The following PTBP2 variants were observed in gnomAD, a reference collection of about 807,000 sequenced individuals.
PTBP2 encodes the protein polypyrimidine tract binding protein 2.
In PTBP2, 13 loss-of-function variants were observed where a neutral mutation model predicts 61.4. The observed-to-expected ratio is 0.21, with a 90% CI of 0.14 to 0.34. The LOEUF (loss-of-function observed/expected upper bound fraction) is 0.34. PTBP2 is among the 10% of genes least tolerant of loss of function. The probability of loss-of-function intolerance (pLI) is 1.00; values close to 1 mark genes in which losing one functional copy is unlikely to be tolerated. For missense variants in PTBP2, 405 were observed against 642.6 expected (o/e 0.63, Z 4.00); for synonymous variants, 215 against 218.5 (o/e 0.98, Z 0.14).
chr1:96,760,526 A>G (rs561047323), intron 3 of PTBP2, among the ~76,000 whole-genome samples: 2 of 147,038 alleles, frequency 1.4e-5, no homozygotes, highest in South Asian at 4.3e-4. Flanking sequence ...GCTTACTGCA[A>G]CCTCCGCCTC....
chr1:96,804,971 T>A (rs370754956), intron 9 of PTBP2, 32 bp downstream of exon 9: 1 of 1,467,760 alleles, frequency 6.8e-7, no homozygotes, highest in South Asian at 1.5e-5. Flanking sequence ...GTTTATTCTT[T>A]AACTCCATTT....
intron 3 of PTBP2, among the ~76,000 whole-genome samples, chr1:96,764,803 G>A (rs1280600422): frequency 6.6e-6 from 1 of 152,100 alleles, no homozygotes; most frequent in Non-Finnish European, 1.5e-5. Flanking sequence ...TATTTATGAG[G>A]GTTTTAACAA....
At chr1:96,788,523 T>C (rs1659448210) in intron 8 of PTBP2, among the ~76,000 whole-genome samples, 2 of 152,210 alleles carry the variant, frequency 1.3e-5, no homozygotes, top group Non-Finnish European at 2.9e-5. Context: ...TCTTTTCTTC[T>C]AATTATTTAA....
At position 96,778,739 on chromosome 1, in the gene PTBP2, T is replaced by A. The variant is rs79370313; in HGVS notation, c.708+793T>A. The stretch of plus-strand genomic sequence containing the variant: ...CTGGTTTTCTTCCTTTCATTCATTC[T>A]TTTACTTTCAGATTAATTATTGTCT... On this transcript the variant is annotated intron_variant, in intron 7 of 13. Transcript: ENST00000674951. Among the ~76,000 whole-genome samples the A allele has an allele frequency of 1.4e-3, 214 of 152,218 alleles. 2 individuals carry two copies. The East Asian group carries it at 0.03, about 21-fold the overall frequency.
intron 4 of PTBP2, 109 bp from the exon 5 acceptor site, chr1:96,770,599 C>CT (rs1472457239): frequency 1.0e-6 from 1 of 992,470 alleles, no homozygotes; most frequent in Non-Finnish European, 1.5e-6. Flanking sequence ...TAAAAGTAAC[C>CT]TGAAGGATTA....
chr1:96,806,509 A>T (rs1403031229), intron 10 of PTBP2, 57 bp downstream of exon 10: 1 of 1,532,426 alleles, frequency 6.5e-7, no homozygotes, highest in Non-Finnish European at 9.0e-7. Flanking sequence ...TTTCACCTTA[A>T]TTCTTATTTG....
intron 5 of PTBP2, among the ~76,000 whole-genome samples, chr1:96,772,396 A>AT (rs1405283314): frequency 1.3e-5 from 2 of 152,166 alleles, no homozygotes; most frequent in African/African-American, 4.8e-5. Context: ...TTGGAGATTT[A>AT]TTAGGAATTT....
chr1:96,803,613 G>A (rs1264009797), intron 8 of PTBP2, among the ~76,000 whole-genome samples: 3 of 152,066 alleles, frequency 2.0e-5, no homozygotes, highest in South Asian at 2.1e-4. Flanking sequence ...ATTAAAGAGC[G>A]CTTCAGATTG....
intron 3 of PTBP2, among the ~76,000 whole-genome samples, chr1:96,755,452 A>G (rs1226692594): frequency 6.6e-6 from 1 of 152,220 alleles, no homozygotes. Flanking sequence ...TAGTTTCTCC[A>G]TGATCCAGGT....
chr1:96,788,725 A>C (rs577573715), intron 8 of PTBP2, among the ~76,000 whole-genome samples: 1 of 152,176 alleles, frequency 6.6e-6, no homozygotes, highest in African/African-American at 2.4e-5. Context: ...TTTTTATATT[A>C]GATCTAGCTA....
At chr1:96,798,006 G>A (rs1407879906) in intron 8 of PTBP2, among the ~76,000 whole-genome samples, 2 of 151,684 alleles carry the variant, frequency 1.3e-5, no homozygotes, top group Non-Finnish European at 2.9e-5. Context: ...AACCCGGGAG[G>A]TGGAGCTTGC....
intron 8 of PTBP2, 32 bp from the exon 9 acceptor site, chr1:96,804,768 C>T: frequency 6.3e-7 from 1 of 1,579,932 alleles, no homozygotes. Context: ...GTAAAATATG[C>T]TTTATTTTAA....
intron 2 of PTBP2, among the ~76,000 whole-genome samples, chr1:96,727,715 A>G (rs1650780738): frequency 1.3e-5 from 2 of 152,176 alleles, no homozygotes; most frequent in Admixed American, 1.3e-4. Context: ...TTATATCTTT[A>G]GCCCAATTTT....
At chr1:96,746,836 T>C (rs1043342620) in intron 2 of PTBP2, among the ~76,000 whole-genome samples, 31,541 of 103,618 alleles carry the variant, frequency 0.3, 6,065 homozygotes, top group East Asian at 0.39. Context: ...TGTCTGTCTG[T>C]CTCCCTCCCT....
intron 3 of PTBP2, among the ~76,000 whole-genome samples, chr1:96,757,676 A>G (rs866400931): frequency 9.2e-5 from 14 of 152,320 alleles, no homozygotes; most frequent in African/African-American, 3.4e-4. Context: ...GATAGACCTT[A>G]TATTGGATTA....
chr1:96,725,902 T>C (rs998803369), intron 2 of PTBP2, among the ~76,000 whole-genome samples: 1 of 151,356 alleles, frequency 6.6e-6, no homozygotes, highest in Non-Finnish European at 1.5e-5. Context: ...GGTGAAACCC[T>C]GTCTTTACTA....
intron 5 of PTBP2, among the ~76,000 whole-genome samples, chr1:96,772,501 C>T (rs769800486): frequency 5.3e-5 from 8 of 152,112 alleles, no homozygotes; most frequent in Admixed American, 3.9e-4. Flanking sequence ...CCATGCTGTG[C>T]GGTAGATCAC....
intron 3 of PTBP2, among the ~76,000 whole-genome samples, chr1:96,762,838 C>T (rs1400753326): frequency 1.3e-5 from 2 of 150,920 alleles, no homozygotes; most frequent in South Asian, 4.2e-4. Context: ...GGCTGCTGGG[C>T]GGAGGGACTC....
At chr1:96,789,998 A>T (rs1659611627) in intron 8 of PTBP2, among the ~76,000 whole-genome samples, 1 of 152,148 alleles carries the variant, frequency 6.6e-6, no homozygotes, top group Admixed American at 6.5e-5. Context: ...TTAAAGTTTG[A>T]TTTGTTCAGA....
Sources: gnomAD v4.1 joint callset for allele counts (sites outside exome capture counted in the v4.1 genomes callset) on GRCh38, gnomAD v4.1.1 for gene constraint, MANE v1.5 for transcripts, NCBI Gene and HGNC (gene_info 2026-07-23, HGNC 2026-07-21) for gene names.